TNKS: variants seen among roughly 807,000 people sequenced by gnomAD.
TNKS encodes poly [ADP-ribose] polymerase tankyrase-1.
In TNKS, 72 loss-of-function variants were observed where a neutral mutation model predicts 135.8. That is an observed-to-expected ratio of 0.53 (90% CI 0.44 to 0.64). TNKS has a LOEUF of 0.64. Among genes scored for constraint, TNKS ranks in the 30% least tolerant of loss-of-function variants. The pLI is 0.00. For synonymous variants in TNKS, 849 were observed against 649.3 expected (o/e 1.31, Z -4.68); for missense variants, 1,769 against 1,674.0 (o/e 1.06, Z -0.99).
chr8:9,612,807 A>G (rs901165296), intron 2 of TNKS, among the ~76,000 whole-genome samples: 6 of 151,906 alleles, frequency 3.9e-5, no homozygotes, highest in Non-Finnish European at 5.9e-5. Flanking sequence ...TTAATAGCCT[A>G]CTATTGACCA....
chr8:9,602,127 A>G (rs968830732), intron 2 of TNKS, among the ~76,000 whole-genome samples: 2 of 152,142 alleles, frequency 1.3e-5, no homozygotes, highest in South Asian at 4.1e-4. Flanking sequence ...GCTGTTAAAC[A>G]TAACACACAG....
intron 17 of TNKS, among the ~76,000 whole-genome samples, chr8:9,746,880 A>ATTTTTTT (rs1806262180): frequency 5.0e-5 from 3 of 60,310 alleles, no homozygotes; most frequent in South Asian, 5.9e-4. Flanking sequence ...ACCTACTTAA[A>ATTTTTTT]CTTTTTTTTT....
intron 12 of TNKS, among the ~76,000 whole-genome samples, chr8:9,723,032 CATT>C (rs1280083418): frequency 6.6e-6 from 1 of 151,500 alleles, no homozygotes; most frequent in African/African-American, 2.4e-5. Context: ...TGAAATAAGA[CATT>C]ATATAGGTAA....
intron 2 of TNKS, among the ~76,000 whole-genome samples, chr8:9,598,670 T>C (rs955605904): frequency 2.7e-5 from 4 of 149,350 alleles, no homozygotes; most frequent in African/African-American, 9.9e-5. Context: ...CACTGCAGTC[T>C]AGCCTGGGCC....
chr8:9,709,443 A>C (rs1475018709), intron 9 of TNKS, among the ~76,000 whole-genome samples: 2 of 152,152 alleles, frequency 1.3e-5, no homozygotes, highest in Non-Finnish European at 2.9e-5. Context: ...AGTTGTATAA[A>C]TATTATGTTA....
At chr8:9,661,117 A>C (rs1341437986) in intron 3 of TNKS, among the ~76,000 whole-genome samples, 1 of 152,086 alleles carries the variant, frequency 6.6e-6, no homozygotes, top group Admixed American at 6.6e-5. Flanking sequence ...TTCCATGCTC[A>C]TGGGTAGGAA....
rs141179259 is a variant in TNKS at position 9,666,685 on chromosome 8, C to T, written c.995-13266C>T. 2.4e-3 allele frequency among the ~76,000 whole-genome samples: 370 copies of T among 151,024 alleles called. 3 individuals are homozygous for T. Among genetic ancestry groups the T allele is most frequent in the African/African-American group, 8.7e-3 (358 of 41,024 alleles). On this transcript the variant is annotated intron_variant, in intron 3 of 26. Coordinates refer to ENST00000310430, the MANE Select transcript of TNKS (RefSeq NM_003747.3). Reference sequence around the variant, plus strand: ...GCAGTGAGCCAAGATGGTTGCATTGCGCTCCAGCCTGGGCGACAGAGTGAG... The same window carrying T: ...GCAGTGAGCCAAGATGGTTGCATTGTGCTCCAGCCTGGGCGACAGAGTGAG...
rs531074435 is a variant in TNKS at position 9,717,596 on chromosome 8, T to A, written c.1750-2778T>A. Reference sequence around the variant, plus strand: ...AGTAGTATTTTTTATCACCAGAATTTATTAGTTTGTTGCTCTTGTGAGGCA... The same window carrying A: ...AGTAGTATTTTTTATCACCAGAATTAATTAGTTTGTTGCTCTTGTGAGGCA... On this transcript the variant is annotated intron_variant, in intron 11 of 26. Coordinates refer to ENST00000310430, the MANE Select transcript of TNKS (RefSeq NM_003747.3). Among the ~76,000 whole-genome samples the A allele has an allele frequency of 3.9e-5, 6 of 152,242 alleles. No individual in the cohort carries two copies. In the South Asian group the frequency reaches 1.0e-3, roughly 26 times the overall value.
chr8:9,735,565 C>A (rs531172330), intron 17 of TNKS, 79 bp downstream of exon 17: 37 of 1,121,498 alleles, frequency 3.3e-5, no homozygotes, highest in Non-Finnish European at 4.9e-5. Flanking sequence ...CTTTAGGAGG[C>A]CGAGGAAGGT....
intron 2 of TNKS, among the ~76,000 whole-genome samples, chr8:9,608,598 G>T (rs1285420119): frequency 6.6e-6 from 1 of 152,142 alleles, no homozygotes; most frequent in East Asian, 1.9e-4. Flanking sequence ...CACAGGTACA[G>T]CCCAGCCCAG....
chr8:9,616,616 T>A (rs1168092919), intron 3 of TNKS, among the ~76,000 whole-genome samples: 2 of 152,160 alleles, frequency 1.3e-5, no homozygotes, highest in Non-Finnish European at 2.9e-5. Context: ...AGGGAAAACG[T>A]TTATGTACAG....
At chr8:9,599,383 T>G (rs1798926979) in intron 2 of TNKS, among the ~76,000 whole-genome samples, 1 of 152,204 alleles carries the variant, frequency 6.6e-6, no homozygotes, top group African/African-American at 2.4e-5. Context: ...CATTTAATTG[T>G]AACAGCAATT....
chr8:9,558,888 A>G (rs938417563), intron 1 of TNKS: 1 of 152,158 alleles, frequency 6.6e-6, no homozygotes, highest in African/African-American at 2.4e-5. Flanking sequence ...TTAAAGTTTT[A>G]TTAAACTTTA....
intron 26 of TNKS, among the ~76,000 whole-genome samples, chr8:9,770,848 A>C (rs60801852): frequency 0.12 from 17,516 of 152,106 alleles, 1,402 homozygotes; most frequent in African/African-American, 0.22. Context: ...GTGTTGATGG[A>C]GATACCGTGG....
rs186492199 is a variant in TNKS at position 9,749,854 on chromosome 8, A to G, written c.2832+1642A>G. On this transcript the variant is annotated intron_variant, in intron 18 of 26. Coordinates refer to ENST00000310430, the MANE Select transcript of TNKS (RefSeq NM_003747.3). ...AAGAAATGGATCATATTTACAGCCAAGTGGCTTTCTCAACCTGTTCCCTGC... is the reference window on the plus strand; with the variant it reads ...AAGAAATGGATCATATTTACAGCCAGGTGGCTTTCTCAACCTGTTCCCTGC... Among the ~76,000 whole-genome samples the G allele has an allele frequency of 8.5e-4, 129 of 152,258 alleles. 3 individuals carry two copies. The highest frequency in any genetic ancestry group is 3.6e-3 in the Admixed American group (55 of 15,298).
At chr8:9,630,424 A>C (rs1800244187) in intron 3 of TNKS, among the ~76,000 whole-genome samples, 1 of 152,194 alleles carries the variant, frequency 6.6e-6, no homozygotes. Context: ...ACCTTTGATA[A>C]GTTGTCTTGT....
chr8:9,575,401 T>G (rs1342238085), intron 1 of TNKS: 1 of 985,130 alleles, frequency 1.0e-6, no homozygotes, highest in Non-Finnish European at 1.2e-6. Context: ...AGGAACAAGG[T>G]GGGTCAACTC....
At chr8:9,672,693 C>T (rs1330495737) in intron 3 of TNKS, among the ~76,000 whole-genome samples, 2 of 117,184 alleles carry the variant, frequency 1.7e-5, no homozygotes, top group Non-Finnish European at 3.6e-5. Context: ...CACACACACA[C>T]ACACACACAC....
intron 2 of TNKS, among the ~76,000 whole-genome samples, chr8:9,594,079 G>C (rs1001332914): frequency 6.6e-6 from 1 of 152,072 alleles, no homozygotes; most frequent in Admixed American, 6.6e-5. Flanking sequence ...TAGAGATGGG[G>C]TTTCGCCATT....
Sources: allele counts gnomAD v4.1 joint callset (sites outside exome capture counted in the v4.1 genomes callset), GRCh38; gene constraint gnomAD v4.1.1; transcripts MANE v1.5; gene names NCBI Gene and HGNC (gene_info 2026-07-23, HGNC 2026-07-21).